The following GRID2 variants were observed in gnomAD, a reference collection of about 807,000 sequenced individuals.
The protein encoded by GRID2 is glutamate receptor ionotropic, delta-2.
GRID2 carries 33 observed loss-of-function variants against 114.8 expected under a neutral mutation model. The ratio of observed to expected loss-of-function variants is 0.29; its 90% confidence interval spans 0.22 to 0.38. The LOEUF (loss-of-function observed/expected upper bound fraction) is 0.38, where lower values mean the gene tolerates loss of function less well. Ranked by LOEUF, GRID2 falls within the 10% of genes least tolerant of loss-of-function variation. The pLI is 1.00. For synonymous variants in GRID2, 505 were observed against 449.9 expected (o/e 1.12, Z -1.55); for missense variants, 1,184 against 1,257.7 (o/e 0.94, Z 0.89).
At chr4:92,554,330 T>C (rs999503006) in intron 1 of GRID2, among the ~76,000 whole-genome samples, 4 of 152,180 alleles carry the variant, frequency 2.6e-5, no homozygotes, top group Non-Finnish European at 5.9e-5. Context: ...ACAAAGAATC[T>C]GTTATAAAGT....
At chr4:92,660,114 C>G (rs1217889690) in intron 2 of GRID2, among the ~76,000 whole-genome samples, 2 of 151,192 alleles carry the variant, frequency 1.3e-5, no homozygotes, top group Non-Finnish European at 3.0e-5. Flanking sequence ...TTCTAAGATG[C>G]CTTAATGTAG....
intron 2 of GRID2, among the ~76,000 whole-genome samples, chr4:92,713,470 C>CATAT (rs1220909062): frequency 9.3e-5 from 7 of 74,880 alleles, no homozygotes; most frequent in East Asian, 4.4e-4. Flanking sequence ...TTTACATATA[C>CATAT]ATATACATAT....
chr4:92,946,827 A>G (rs560456536), intron 2 of GRID2, among the ~76,000 whole-genome samples: 17 of 152,160 alleles, frequency 1.1e-4, no homozygotes, highest in East Asian at 9.7e-4. Flanking sequence ...TTCTGATTCA[A>G]TAGGCCTGCA....
At position 92,491,879 on chromosome 4, in the gene GRID2, T is replaced by C. The variant is rs1723162902; in HGVS notation, c.89-98252T>C. Among the ~76,000 whole-genome samples, 3 of 152,320 alleles carry C rather than the reference T, an allele frequency of 2.0e-5. No homozygotes were observed. In the South Asian group the frequency reaches 6.2e-4, roughly 32 times the overall value. On this transcript the variant is annotated intron_variant, in intron 1 of 15. Transcript: ENST00000282020. The stretch of plus-strand genomic sequence containing the variant: ...AGTACTTTTTGGAGATATGCATTAA[T>C]AGTTGGATCAAAATTATTTAAACCA...
At chr4:92,701,090 A>G (rs1734655627) in intron 2 of GRID2, among the ~76,000 whole-genome samples, 1 of 152,088 alleles carries the variant, frequency 6.6e-6, no homozygotes, top group African/African-American at 2.4e-5. Context: ...ATGCTTTAAC[A>G]TTTACCAGAT....
chr4:92,671,733 T>G (rs1579811405), intron 2 of GRID2, among the ~76,000 whole-genome samples: 1 of 152,040 alleles, frequency 6.6e-6, no homozygotes, highest in Admixed American at 6.6e-5. Context: ...GCAAGGAGGG[T>G]TTTGAGAGAG....
intron 14 of GRID2, among the ~76,000 whole-genome samples, chr4:93,691,400 A>G (rs1331895062): frequency 6.6e-6 from 1 of 152,062 alleles, no homozygotes; most frequent in African/African-American, 2.4e-5. Context: ...ACAGCACAAA[A>G]AGTTCAAATA....
At chr4:92,903,311 C>T (rs1747714443) in intron 2 of GRID2, among the ~76,000 whole-genome samples, 1 of 151,652 alleles carries the variant, frequency 6.6e-6, no homozygotes, top group Non-Finnish European at 1.5e-5. Context: ...CAGGCAGATA[C>T]TATGTGGGTT....
At chr4:92,404,129 A>G (rs1477050886) in intron 1 of GRID2, among the ~76,000 whole-genome samples, 1 of 152,196 alleles carries the variant, frequency 6.6e-6, no homozygotes, top group African/African-American at 2.4e-5. Flanking sequence ...AAGGATTGTC[A>G]TAAACCTTCA....
intron 13 of GRID2, among the ~76,000 whole-genome samples, chr4:93,625,983 A>T (rs569451085): frequency 6.6e-6 from 1 of 152,322 alleles, no homozygotes; most frequent in Admixed American, 6.5e-5. Context: ...TGTACATTGT[A>T]TTAGGTATCA....
intron 1 of GRID2, among the ~76,000 whole-genome samples, chr4:93,799,968 T>C (rs1195589453): frequency 6.6e-6 from 1 of 152,198 alleles, no homozygotes; most frequent in Admixed American, 6.5e-5. Flanking sequence ...AGGTCTAGAA[T>C]GCATCAAAAC....
chr4:92,750,487 G>C (rs891062511), intron 2 of GRID2, among the ~76,000 whole-genome samples: 2 of 95,938 alleles, frequency 2.1e-5, no homozygotes, highest in South Asian at 3.4e-4. Context: ...TATTCACATA[G>C]ACCAAAGAAA....
At chr4:92,985,190 A>C (rs182118084) in intron 2 of GRID2, among the ~76,000 whole-genome samples, 33 of 151,506 alleles carry the variant, frequency 2.2e-4, no homozygotes, top group Non-Finnish European at 4.0e-4. Flanking sequence ...TTTTATTTTT[A>C]TAATTTCTTA....
At chr4:93,014,241 C>T (rs980125775) in intron 2 of GRID2, among the ~76,000 whole-genome samples, 3 of 151,906 alleles carry the variant, frequency 2.0e-5, no homozygotes, top group African/African-American at 7.3e-5. Context: ...AACTGCATGC[C>T]TGATCACCAC....
At chr4:92,375,414 G>A (rs1729308184) in intron 1 of GRID2, among the ~76,000 whole-genome samples, 1 of 152,072 alleles carries the variant, frequency 6.6e-6, no homozygotes, top group Non-Finnish European at 1.5e-5. Flanking sequence ...GGTGAATTTA[G>A]TGTGTAAAGC....
chr4:92,566,000 A>G (rs1427834154), intron 1 of GRID2, among the ~76,000 whole-genome samples: 1 of 152,014 alleles, frequency 6.6e-6, no homozygotes, highest in Non-Finnish European at 1.5e-5. Flanking sequence ...GTTTACCTAT[A>G]CAATCCCTAT....
At chr4:92,556,722 T>C (rs1293905869) in intron 1 of GRID2, among the ~76,000 whole-genome samples, 1 of 152,152 alleles carries the variant, frequency 6.6e-6, no homozygotes, top group East Asian at 1.9e-4. Context: ...TGACATCTGC[T>C]GGCTGGAGAC....
intron 1 of GRID2, among the ~76,000 whole-genome samples, chr4:92,475,721 C>T (rs904601011): frequency 5.9e-5 from 9 of 151,370 alleles, no homozygotes; most frequent in Non-Finnish European, 1.2e-4. Flanking sequence ...ATCATGGGGG[C>T]GTTCATAGGC....
intron 4 of GRID2, among the ~76,000 whole-genome samples, chr4:93,113,139 C>G (rs1247239967): frequency 1.3e-5 from 2 of 152,160 alleles, no homozygotes; most frequent in East Asian, 3.9e-4. Context: ...TTTGAGCTAG[C>G]AGTGGATTCT....
Sources: gnomAD v4.1 joint callset for allele counts (sites outside exome capture counted in the v4.1 genomes callset) on GRCh38, gnomAD v4.1.1 for gene constraint, MANE v1.5 for transcripts, NCBI Gene and HGNC (gene_info 2026-07-23, HGNC 2026-07-21) for gene names.